FHOD3: variants seen among roughly 807,000 people sequenced by gnomAD.
FHOD3 encodes the protein FH1/FH2 domain-containing protein 3.
A neutral mutation model predicts 173.0 loss-of-function variants in FHOD3; 90 were observed. The observed-to-expected ratio is 0.52, with a 90% CI of 0.44 to 0.62. The LOEUF (loss-of-function observed/expected upper bound fraction) is 0.62. FHOD3 is among the 20% of genes least tolerant of loss of function. The pLI, the probability that FHOD3 is intolerant of heterozygous loss-of-function variation, is 0.00. For missense variants in FHOD3, 1,945 were observed against 2,034.7 expected (o/e 0.96, Z 0.85); for synonymous variants, 828 against 823.0 (o/e 1.01, Z -0.10).
chr18:36,305,565 G>C (rs2092070228), intron 1 of FHOD3, among the ~76,000 whole-genome samples: 1 of 152,250 alleles, frequency 6.6e-6, no homozygotes, highest in Non-Finnish European at 1.5e-5. Flanking sequence ...TGTAACCAGA[G>C]TGTGTGGGAC....
intron 17 of FHOD3, among the ~76,000 whole-genome samples, chr18:36,702,283 G>A (rs774122841): frequency 2.0e-5 from 3 of 152,182 alleles, no homozygotes; most frequent in Non-Finnish European, 2.9e-5. Context: ...CAGCTCATGA[G>A]ACAGTCTCCC....
chr18:36,637,892 G>A (rs185235397), intron 10 of FHOD3, among the ~76,000 whole-genome samples: 1 of 152,280 alleles, frequency 6.6e-6, no homozygotes, highest in East Asian at 1.9e-4. Context: ...GATTTATGTT[G>A]TGGATGCCAC....
intron 3 of FHOD3, among the ~76,000 whole-genome samples, chr18:36,405,618 A>G (rs565975224): frequency 2.0e-5 from 3 of 152,360 alleles, no homozygotes; most frequent in African/African-American, 7.2e-5. Context: ...ACAACAACAA[A>G]AAACAGAAAT....
intron 3 of FHOD3, among the ~76,000 whole-genome samples, chr18:36,430,653 CT>C (rs2050490209): frequency 6.6e-6 from 1 of 152,268 alleles, no homozygotes; most frequent in East Asian, 1.9e-4. Flanking sequence ...GTGAGCATTT[CT>C]AAATGATTGT....
chr18:36,362,428 C>G (rs1056011751), intron 2 of FHOD3, among the ~76,000 whole-genome samples: 2 of 152,126 alleles, frequency 1.3e-5, no homozygotes, highest in Admixed American at 6.5e-5. Flanking sequence ...TGAGGTGATA[C>G]AGTGGAGGCA....
chr18:36,449,633 T>G (rs1239835197), intron 3 of FHOD3, among the ~76,000 whole-genome samples: 1 of 152,176 alleles, frequency 6.6e-6, no homozygotes. Context: ...AGCAGCAAAA[T>G]ATACAGCCTA....
chr18:36,685,395 G>GA (rs771721973), intron 15 of FHOD3, among the ~76,000 whole-genome samples: 9 of 152,222 alleles, frequency 5.9e-5, no homozygotes, highest in African/African-American at 1.7e-4. Context: ...AAATAAATAG[G>GA]AAAAGCTTTC....
chr18:36,437,999 G>T (rs962701993), intron 3 of FHOD3, among the ~76,000 whole-genome samples: 6 of 151,922 alleles, frequency 3.9e-5, no homozygotes, highest in African/African-American at 1.5e-4. Context: ...TATTTCAGTG[G>T]CATCCCCTGC....
intron 5 of FHOD3, among the ~76,000 whole-genome samples, chr18:36,546,042 C>T (rs1375906707): frequency 1.3e-5 from 2 of 152,224 alleles, no homozygotes; most frequent in African/African-American, 2.4e-5. Flanking sequence ...CTTCTCGAAT[C>T]TGTGGGTGTG....
At chr18:36,639,343 C>T (rs1439824238) in intron 10 of FHOD3, among the ~76,000 whole-genome samples, 1 of 152,124 alleles carries the variant, frequency 6.6e-6, no homozygotes, top group African/African-American at 2.4e-5. Context: ...AGATCGAGAC[C>T]ATCCTGGCTA....
intron 3 of FHOD3, among the ~76,000 whole-genome samples, chr18:36,455,303 T>C (rs1163868270): frequency 6.6e-6 from 1 of 152,218 alleles, no homozygotes; most frequent in East Asian, 1.9e-4. Flanking sequence ...TCAGCCTTGA[T>C]CCTAGCAACA....
chr18:36,779,265 G>T, intron 28 of FHOD3, 183 bp from the exon 29 acceptor site: 5 of 589,710 alleles, frequency 8.5e-6, no homozygotes, highest in Non-Finnish European at 1.5e-5. Flanking sequence ...CCAAACTTTT[G>T]TCCTGGCAGA....
At chr18:36,671,465 T>G (rs1435433725) in intron 14 of FHOD3, among the ~76,000 whole-genome samples, 2 of 152,264 alleles carry the variant, frequency 1.3e-5, no homozygotes, top group African/African-American at 2.4e-5. Context: ...TAAATCTGGT[T>G]CCTGTTACTC....
intron 28 of FHOD3, among the ~76,000 whole-genome samples, chr18:36,776,949 T>G (rs2043702443): frequency 6.6e-6 from 1 of 152,228 alleles, no homozygotes; most frequent in Admixed American, 6.5e-5. Context: ...GGGCCCTTAT[T>G]CGAGTATTAA....
chr18:36,578,999 T>A (rs973763692), intron 6 of FHOD3, among the ~76,000 whole-genome samples: 17 of 152,190 alleles, frequency 1.1e-4, no homozygotes, highest in Non-Finnish European at 1.9e-4. Context: ...AGTGACTCTG[T>A]TTTGAAACTG....
intron 1 of FHOD3, among the ~76,000 whole-genome samples, chr18:36,338,547 G>A (rs2145407874): frequency 6.6e-6 from 1 of 152,324 alleles, no homozygotes; most frequent in South Asian, 2.1e-4. Flanking sequence ...TTTCACAGCT[G>A]TGATAGATAA....
At chr18:36,722,265 A>C (rs563378009) in intron 19 of FHOD3, among the ~76,000 whole-genome samples, 8 of 152,302 alleles carry the variant, frequency 5.3e-5, no homozygotes, top group African/African-American at 1.9e-4. Context: ...AAGCCCTGAG[A>C]CTTCCTTGGG....
chr18:36,699,102 T>C (rs753787747), intron 17 of FHOD3, among the ~76,000 whole-genome samples: 3 of 152,290 alleles, frequency 2.0e-5, no homozygotes, highest in South Asian at 2.1e-4. Context: ...CTTAGAAAGA[T>C]AGTGCAGAAA....
intron 10 of FHOD3, among the ~76,000 whole-genome samples, chr18:36,644,257 A>G (rs752802673): frequency 3.9e-5 from 6 of 152,250 alleles, no homozygotes; most frequent in Non-Finnish European, 8.8e-5. Flanking sequence ...ATTCCTTAGC[A>G]CAATATAAAC....
Sources: allele counts gnomAD v4.1 joint callset (sites outside exome capture counted in the v4.1 genomes callset), GRCh38; gene constraint gnomAD v4.1.1; transcripts MANE v1.5; gene names NCBI Gene and HGNC (gene_info 2026-07-23, HGNC 2026-07-21).